The following PCDHA1 variants were observed in gnomAD, a reference collection of about 807,000 sequenced individuals.
The protein encoded by PCDHA1 is protocadherin alpha-1.
PCDHA1 carries 42 observed loss-of-function variants against 61.3 expected under a neutral mutation model. The ratio of observed to expected loss-of-function variants is 0.69; its 90% confidence interval spans 0.54 to 0.89. The LOEUF is 0.89. Among genes scored for constraint, PCDHA1 ranks in the 40% least tolerant of loss-of-function variants. PCDHA1 has a pLI of 0.00. For synonymous variants in PCDHA1, 610 were observed against 553.8 expected, an observed-to-expected ratio of 1.10 and a Z score of -1.43; for missense variants, 1,256 against 1,235.3, an observed-to-expected ratio of 1.02 and a Z score of -0.25.
intron 1 of PCDHA1, chr5:140,871,216 G>A (rs782807102): frequency 5.6e-6 from 9 of 1,613,738 alleles, no homozygotes; most frequent in East Asian, 4.5e-5. Context: ...CGCCATCTGC[G>A]TGGTGTCCAG....
At position 140,832,275 on chromosome 5, in the gene PCDHA1, A is replaced by G. The variant is rs2150200639; in HGVS notation, c.2394+43591A>G. Among the ~76,000 whole-genome samples the G allele has an allele frequency of 2.6e-5, 4 of 152,332 alleles. No individual in the cohort carries two copies. In the East Asian group the frequency reaches 7.7e-4, roughly 29 times the overall value. On this transcript the variant is annotated intron_variant, in intron 1 of 3. Coordinates refer to ENST00000504120, the MANE Select transcript of PCDHA1 (RefSeq NM_018900.4). The stretch of plus-strand genomic sequence containing the variant: ...TTCCCAGGAAATATTAGACTACATT[A>G]AGCATGAATGGTGTATTTGCCCACA...
At chr5:140,794,688 T>C (rs2149911716) in intron 1 of PCDHA1, among the ~76,000 whole-genome samples, 1 of 152,340 alleles carries the variant, frequency 6.6e-6, no homozygotes, top group Non-Finnish European at 1.5e-5. Flanking sequence ...GGGCTTAAAA[T>C]AGTTATTTTT....
At chr5:140,927,657 T>A (rs1161396429) in intron 1 of PCDHA1, 6 of 1,614,050 alleles carry the variant, frequency 3.7e-6, no homozygotes, top group Non-Finnish European at 5.1e-6. Flanking sequence ...TATTCCGAGT[T>A]CAAGCCTTGG....
At chr5:140,823,777 C>G in intron 1 of PCDHA1, 1 of 1,613,860 alleles carries the variant, frequency 6.2e-7, no homozygotes, top group African/African-American at 1.3e-5. Context: ...GCTGGTGTCG[C>G]TGGTGGAAAG....
Position 140,787,805 on chromosome 5 carries a change from G to A in PCDHA1, c.1515G>A (p.Ser505=). Residue 505 remains serine (S), a synonymous_variant, in exon 1 of 4, where the codon TCG becomes TCA. Transcript: ENST00000504120. ...VERRVGERAL[S]NYVSVHAESG... ...GGCGGGTGGGCGAGCGCGCGCTGTC[G>A]AACTACGTGTCAGTGCACGCGGAGA... is the stretch of plus-strand genomic sequence containing the variant. 2.5e-6 allele frequency: 4 copies of A among 1,612,464 alleles called. No homozygotes were observed. The highest frequency in any genetic ancestry group is 3.4e-6 in the Non-Finnish European group (4 of 1,179,760).
intron 1 of PCDHA1, among the ~76,000 whole-genome samples, chr5:140,960,097 T>C (rs2095526762): frequency 6.6e-6 from 1 of 152,232 alleles, no homozygotes. Context: ...AAGAAACTTG[T>C]AGTTGTGGGA....
intron 3 of PCDHA1, among the ~76,000 whole-genome samples, chr5:140,986,473 CA>C (rs1217616254): frequency 6.6e-6 from 1 of 152,192 alleles, no homozygotes; most frequent in Non-Finnish European, 1.5e-5. Context: ...CTCTTGTGAT[CA>C]GTTCCTAGGG....
chr5:140,795,258 G>C (rs539711340), intron 1 of PCDHA1: 1 of 1,614,272 alleles, frequency 6.2e-7, no homozygotes, highest in Admixed American at 1.7e-5. Flanking sequence ...TGTGCGGGCG[G>C]AGCGCGGAAT....
chr5:140,928,690 A>AT lies in PCDHA1; in HGVS notation c.2395-50258dup, dbSNP rs2085447249. On this transcript the variant is annotated intron_variant, in intron 1 of 3. Transcript: ENST00000504120. ...TTCTAATGCCTGGCTTTCCTACCAC[A>AT]TCTCCCGGGCGTCTGACTCTAGTCT... 6 of 1,614,180 alleles carry AT rather than the reference A, an allele frequency of 3.7e-6. No homozygotes were observed. The African/African-American group carries it at 4.0e-5, about 11-fold the overall frequency.
At position 140,863,948 on chromosome 5, in the gene PCDHA1, C is replaced by T. The variant is rs782241873; in HGVS notation, c.2394+75264C>T. On this transcript the variant is annotated intron_variant, in intron 1 of 3. Transcript: ENST00000504120. ...CCTAGGAGGCAGAGGTTGCGGTGAG[C>T]CTAGATTAGGCCACTGCACTACAGC... is the stretch of plus-strand genomic sequence containing the variant. 1.5e-3 allele frequency: 237 copies of T among 158,844 alleles called. 8 individuals carry two copies. The highest frequency in any genetic ancestry group is 2.3e-3 in the Admixed American group (40 of 17,122). 9.8% of individuals were successfully genotyped at this position (158,844 alleles called of 1,614,324 possible). A position where few individuals can be genotyped will look rare whatever the true frequency, so the allele number is the denominator to read the frequency against.
chr5:140,851,028 C>T lies in PCDHA1; in HGVS notation c.2394+62344C>T, dbSNP rs574627365. The T allele has an allele frequency of 7.8e-6, 11 of 1,410,018 alleles. 1 individual carries two copies. The highest frequency in any genetic ancestry group is 3.7e-5 in the South Asian group (2 of 54,752). 87.3% of individuals were successfully genotyped at this position (1,410,018 alleles called of 1,614,324 possible). ...GATTTTTTTTCTGATAAAGTAAACC[C>T]CTTAACATTGGAGCCGACTTTGTCT... On this transcript the variant is annotated intron_variant, in intron 1 of 3. Transcript: ENST00000504120.
intron 1 of PCDHA1, among the ~76,000 whole-genome samples, chr5:140,839,582 G>A (rs965029185): frequency 6.6e-6 from 1 of 151,908 alleles, no homozygotes; most frequent in African/African-American, 2.4e-5. Flanking sequence ...TAGAGATGGG[G>A]TCTTACCATG....
chr5:140,896,465 C>T (rs967658819), intron 1 of PCDHA1, among the ~76,000 whole-genome samples: 8 of 151,988 alleles, frequency 5.3e-5, no homozygotes, highest in South Asian at 4.1e-4. Context: ...TGGGTTCAAG[C>T]GGTTCTCCTG....
At chr5:140,836,174 T>A in intron 1 of PCDHA1, 3 of 1,613,798 alleles carry the variant, frequency 1.9e-6, no homozygotes, top group Non-Finnish European at 2.5e-6. Context: ...TACGTGCAGT[T>A]GACGCTGACT....
chr5:140,835,493 A>T (rs147393584), intron 1 of PCDHA1: 3 of 1,613,914 alleles, frequency 1.9e-6, no homozygotes, highest in African/African-American at 1.3e-5. Context: ...CCGTCATCAC[A>T]TTGATTAGCG....
intron 1 of PCDHA1, among the ~76,000 whole-genome samples, chr5:140,888,041 A>G (rs571709864): frequency 2.0e-5 from 3 of 152,296 alleles, no homozygotes; most frequent in South Asian, 4.1e-4. Context: ...TAGTACATGT[A>G]TAATAGATGT....
At position 140,966,546 on chromosome 5, in the gene PCDHA1, C is replaced by G. The variant is rs549303882; in HGVS notation, c.2395-12403C>G. The G allele has an allele frequency of 3.9e-5, 18 of 466,228 alleles. No individual in the cohort carries two copies. The Admixed American group carries it at 6.1e-4, about 16-fold the overall frequency. 28.9% of individuals were successfully genotyped at this position (466,228 alleles called of 1,614,324 possible). On this transcript the variant is annotated intron_variant, in intron 1 of 3. Coordinates refer to ENST00000504120, the MANE Select transcript of PCDHA1 (RefSeq NM_018900.4). ...CGAGCCGGGTTGAGCGACTCGGAGGCGAGCGGAGGAGCTGGAATATGGGGA... is the reference window on the plus strand; with the variant it reads ...CGAGCCGGGTTGAGCGACTCGGAGGGGAGCGGAGGAGCTGGAATATGGGGA...
At chr5:140,960,557 G>A (rs2095556177) in intron 1 of PCDHA1, among the ~76,000 whole-genome samples, 1 of 152,104 alleles carries the variant, frequency 6.6e-6, no homozygotes. Context: ...TATAGACTGA[G>A]CTTAGGAAAA....
At chr5:140,801,309 G>A (rs782696520) in intron 1 of PCDHA1, 1 of 1,613,382 alleles carries the variant, frequency 6.2e-7, no homozygotes. Flanking sequence ...CGTCTCTGAG[G>A]AGGCCAAGCA....
Sources: gnomAD v4.1 joint callset for allele counts (sites outside exome capture counted in the v4.1 genomes callset) on GRCh38, gnomAD v4.1.1 for gene constraint, MANE v1.5 for transcripts, NCBI Gene and HGNC (gene_info 2026-07-23, HGNC 2026-07-21) for gene names.